Variants in MIS18A observed in about 807,000 individuals in gnomAD.
MIS18A encodes protein Mis18-alpha.
A neutral mutation model predicts 25.0 loss-of-function variants in MIS18A; 14 were observed. That is an observed-to-expected ratio of 0.56 (90% CI 0.37 to 0.88). MIS18A has a LOEUF of 0.88. Ranked by LOEUF, MIS18A falls within the 40% of genes least tolerant of loss-of-function variation. The pLI, the probability that MIS18A is intolerant of heterozygous loss-of-function variation, is 0.00. For synonymous variants in MIS18A, 134 were observed against 118.6 expected (o/e 1.13, Z -0.84); for missense variants, 292 against 290.8 (o/e 1.00, Z -0.03).
At chr21:32,193,427 C>T in the MIS18A span, among the ~76,000 whole-genome samples, 2,323 of 152,172 alleles carry the variant, frequency 0.015, 58 homozygotes, top group African/African-American at 0.053. Flanking sequence ...TTCCATTTTA[C>T]CAAAGTTCAA....
chr21:32,267,926 C>G (rs1412300316), downstream of MIS18A, among the ~76,000 whole-genome samples: 3 of 152,312 alleles, frequency 2.0e-5, no homozygotes, highest in Admixed American at 2.0e-4. Context: ...TCAGAAAGAA[C>G]AGAAGAATCC....
chr21:32,162,030 C>G, the MIS18A span, among the ~76,000 whole-genome samples: 2 of 151,926 alleles, frequency 1.3e-5, no homozygotes, highest in Admixed American at 1.3e-4. Flanking sequence ...GTTTCTAATT[C>G]TCTCAACACC....
chr21:32,188,708 G>A, the MIS18A span, among the ~76,000 whole-genome samples: 3 of 152,190 alleles, frequency 2.0e-5, no homozygotes, highest in Non-Finnish European at 4.4e-5. Flanking sequence ...TAAGAATGGT[G>A]TGGAAGGGCA....
At chr21:32,208,503 C>A in the MIS18A span, among the ~76,000 whole-genome samples, 1 of 152,150 alleles carries the variant, frequency 6.6e-6, no homozygotes, top group Non-Finnish European at 1.5e-5. Context: ...TGAGGCTTTC[C>A]CAGAAGCTGA....
At chr21:32,169,007 C>T in the MIS18A span, among the ~76,000 whole-genome samples, 1 of 152,120 alleles carries the variant, frequency 6.6e-6, no homozygotes, top group Non-Finnish European at 1.5e-5. Flanking sequence ...ACAACAGAAG[C>T]AGAATTGGTC....
chr21:32,250,731 C>T, the MIS18A span, among the ~76,000 whole-genome samples: 4 of 152,232 alleles, frequency 2.6e-5, no homozygotes, highest in African/African-American at 7.2e-5. Context: ...GCACCCATCC[C>T]TCCTCTCACC....
intron 2 of MIS18A, 114 bp from the exon 3 acceptor site, chr21:32,270,643 C>T (rs921193765): frequency 4.5e-5 from 50 of 1,112,016 alleles, no homozygotes; most frequent in Non-Finnish European, 5.6e-5. Flanking sequence ...ATTCTGACCA[C>T]ACTAGGTCAT....
At chr21:32,253,077 G>C in the MIS18A span, among the ~76,000 whole-genome samples, 1 of 152,300 alleles carries the variant, frequency 6.6e-6, no homozygotes, top group Admixed American at 6.5e-5. Context: ...CTGTGCTCGG[G>C]ACTTCTCCAC....
At chr21:32,258,040 C>T in the MIS18A span, among the ~76,000 whole-genome samples, 65 of 152,142 alleles carry the variant, frequency 4.3e-4, no homozygotes, top group Non-Finnish European at 8.5e-4. Context: ...CCTGCCAAGT[C>T]TCGTGTGAGT....
chr21:32,224,036 A>G, the MIS18A span, among the ~76,000 whole-genome samples: 1 of 152,250 alleles, frequency 6.6e-6, no homozygotes, highest in African/African-American at 2.4e-5. Flanking sequence ...CCAGATGATT[A>G]TCTCAATAGA....
chr21:32,202,306 G>C, the MIS18A span, among the ~76,000 whole-genome samples: 4 of 150,340 alleles, frequency 2.7e-5, no homozygotes, highest in South Asian at 8.4e-4. Context: ...AAAAAAAACA[G>C]AAAAGAAAAG....
intron 1 of MIS18A, 164 bp downstream of exon 1, chr21:32,278,517 A>T: frequency 2.8e-6 from 2 of 709,156 alleles, no homozygotes; most frequent in East Asian, 3.0e-5. Flanking sequence ...TGGAGGGGTG[A>T]CCCTCCTCCC....
chr21:32,203,026 T>C, the MIS18A span, among the ~76,000 whole-genome samples: 3 of 152,206 alleles, frequency 2.0e-5, no homozygotes, highest in Non-Finnish European at 1.5e-5. Flanking sequence ...ATGGTAATTC[T>C]ATTTTTAAAT....
the MIS18A span, among the ~76,000 whole-genome samples, chr21:32,236,203 T>G: frequency 7.6e-6 from 1 of 131,924 alleles, no homozygotes; most frequent in Admixed American, 7.3e-5. Flanking sequence ...TGAAACCCCG[T>G]CTCTACTAAA....
the MIS18A span, among the ~76,000 whole-genome samples, chr21:32,161,488 G>GTTTGTTTA: frequency 1.3e-5 from 2 of 150,896 alleles, no homozygotes; most frequent in Non-Finnish European, 2.9e-5. Context: ...TTGTTTGTTT[G>GTTTGTTTA]TTTGTTTGTT....
chr21:32,278,650 C>G, intron 1 of MIS18A, 31 bp downstream of exon 1: 1 of 1,474,102 alleles, frequency 6.8e-7, no homozygotes, highest in East Asian at 2.4e-5. Context: ...GGCGACCCCA[C>G]GCCCCCCCTG....
chr21:32,192,399 G>A, the MIS18A span, among the ~76,000 whole-genome samples: 1 of 152,174 alleles, frequency 6.6e-6, no homozygotes, highest in African/African-American at 2.4e-5. Context: ...TCTCCTTCCT[G>A]GCCTCCATAT....
intron 2 of MIS18A, among the ~76,000 whole-genome samples, chr21:32,272,247 G>T (rs2031727661): frequency 6.6e-6 from 1 of 152,210 alleles, no homozygotes; most frequent in South Asian, 2.1e-4. Context: ...GACAAAGTCA[G>T]ACTTAACAGA....
the MIS18A span, among the ~76,000 whole-genome samples, chr21:32,227,661 C>A: frequency 2.0e-5 from 3 of 152,176 alleles, no homozygotes; most frequent in African/African-American, 7.2e-5. Context: ...TTCACAAACT[C>A]TTCCAAAAAA....
Sources: allele counts gnomAD v4.1 joint callset (sites outside exome capture counted in the v4.1 genomes callset), GRCh38; gene constraint gnomAD v4.1.1; transcripts MANE v1.5; gene names NCBI Gene and HGNC (gene_info 2026-07-23, HGNC 2026-07-21).